Variants in DOCK2 observed in about 807,000 individuals in gnomAD.
DOCK2 encodes the protein dedicator of cytokinesis 2, also known as dedicator of cytokinesis protein 2.
A neutral mutation model predicts 248.9 loss-of-function variants in DOCK2; 87 were observed. That is an observed-to-expected ratio of 0.35 (90% CI 0.29 to 0.42). The LOEUF is 0.42. Ranked by LOEUF, DOCK2 falls within the 10% of genes least tolerant of loss-of-function variation. The pLI is 1.00. For missense variants in DOCK2, 1,747 were observed against 2,300.2 expected (o/e 0.76, Z 4.92); for synonymous variants, 805 against 821.6 (o/e 0.98, Z 0.35).
intron 29 of DOCK2, among the ~76,000 whole-genome samples, chr5:169,991,002 C>G (rs929833615): frequency 1.3e-4 from 20 of 152,228 alleles, no homozygotes; most frequent in African/African-American, 4.8e-4. Flanking sequence ...GCACTGGGCC[C>G]CTGCTTCATG....
At chr5:170,065,840 C>G (rs1021604498) in intron 44 of DOCK2, among the ~76,000 whole-genome samples, 1 of 152,032 alleles carries the variant, frequency 6.6e-6, no homozygotes, top group Non-Finnish European at 1.5e-5. Flanking sequence ...GGTGGGGATA[C>G]AGAGCCAAAC....
chr5:169,678,937 G>A (rs924136459), intron 6 of DOCK2, among the ~76,000 whole-genome samples: 14 of 152,278 alleles, frequency 9.2e-5, no homozygotes, highest in Admixed American at 4.6e-4. Flanking sequence ...AGAGAAACTC[G>A]GAGGGAGAGA....
At chr5:170,069,064 C>T in intron 45 of DOCK2, 73 bp from the exon 46 acceptor site, 1 of 1,375,986 alleles carries the variant, frequency 7.3e-7, no homozygotes, top group African/African-American at 1.4e-5. Context: ...TGAATCTTCT[C>T]CCAGTGCCAA....
At chr5:170,079,187 A>G (rs1201291920) in intron 49 of DOCK2, 41 bp downstream of exon 49, 2 of 1,595,330 alleles carry the variant, frequency 1.3e-6, no homozygotes, top group Admixed American at 1.7e-5. Flanking sequence ...CGCTGTTAGC[A>G]CATTTCCACT....
intron 25 of DOCK2, among the ~76,000 whole-genome samples, chr5:169,780,295 A>ATGTGTG (rs3138738): frequency 0.011 from 1,580 of 137,758 alleles, 21 homozygotes; most frequent in African/African-American, 0.034. Context: ...AACCCAATAA[A>ATGTGTG]TGTGTGTGTG....
intron 44 of DOCK2, among the ~76,000 whole-genome samples, chr5:170,064,654 C>T (rs57580045): frequency 0.25 from 38,013 of 151,510 alleles, 5,320 homozygotes; most frequent in African/African-American, 0.37. Context: ...TATTGAGGTA[C>T]CAAAATAAGA....
chr5:170,066,287 TAAAAA>T (rs1008907613), intron 44 of DOCK2, among the ~76,000 whole-genome samples: 1 of 149,102 alleles, frequency 6.7e-6, no homozygotes, highest in African/African-American at 2.5e-5. Flanking sequence ...TGAAAAACTG[TAAAAA>T]AAAACAAAAC....
At chr5:169,729,427 G>A (rs1762649959) in intron 22 of DOCK2, among the ~76,000 whole-genome samples, 1 of 152,136 alleles carries the variant, frequency 6.6e-6, no homozygotes, top group Non-Finnish European at 1.5e-5. Context: ...TCATCATGTG[G>A]CACATATGGT....
intron 27 of DOCK2, among the ~76,000 whole-genome samples, chr5:169,972,096 A>T (rs1358076309): frequency 6.6e-6 from 1 of 152,266 alleles, no homozygotes; most frequent in Admixed American, 6.5e-5. Flanking sequence ...TAATCAAATT[A>T]TAAAATAAAA....
intron 27 of DOCK2, among the ~76,000 whole-genome samples, chr5:169,841,733 TCCATCC>T (rs1410531152): frequency 2.0e-5 from 3 of 152,238 alleles, no homozygotes; most frequent in Admixed American, 1.3e-4. Context: ...CCAGTACCTC[TCCATCC>T]ACTAAAAGTC....
chr5:170,009,116 C>T (rs749709061), intron 32 of DOCK2, among the ~76,000 whole-genome samples: 29 of 151,894 alleles, frequency 1.9e-4, no homozygotes, highest in Non-Finnish European at 2.8e-4. Context: ...TAGCGTGGTC[C>T]ACAAAACGTA....
At chr5:170,050,446 G>T (rs577556516) in intron 41 of DOCK2, 49 bp downstream of exon 41, 91 of 1,568,962 alleles carry the variant, frequency 5.8e-5, no homozygotes, top group Middle Eastern at 5.7e-4. Context: ...GAGCAGCCCT[G>T]CCAGGGCTGC....
intron 30 of DOCK2, among the ~76,000 whole-genome samples, chr5:170,004,199 T>G (rs1754937308): frequency 6.6e-6 from 1 of 152,128 alleles, no homozygotes; most frequent in Non-Finnish European, 1.5e-5. Flanking sequence ...GAATAGATAA[T>G]CGAAATGAGT....
chr5:169,707,172 A>G (rs1266364194), intron 14 of DOCK2, among the ~76,000 whole-genome samples: 1 of 152,192 alleles, frequency 6.6e-6, no homozygotes, highest in Non-Finnish European at 1.5e-5. Flanking sequence ...TTTGGGGGCC[A>G]AACGGCTGGA....
chr5:170,062,191 A>G lies in DOCK2; in HGVS notation c.4467+4525A>G, dbSNP rs139458689. Among the ~76,000 whole-genome samples the G allele has an allele frequency of 3.9e-5, 6 of 152,164 alleles. No individual in the cohort carries two copies. The East Asian group carries it at 1.2e-3, about 29-fold the overall frequency. On this transcript the variant is annotated intron_variant, in intron 44 of 51. Transcript: ENST00000520908. ...TCAATTCCCAGGGCCTTCTCACTGT[A>G]GAGATCAGTCATCTTCAGAAACATC...
intron 41 of DOCK2, among the ~76,000 whole-genome samples, chr5:170,054,416 A>G (rs867198228): frequency 2.2e-4 from 33 of 152,242 alleles, no homozygotes; most frequent in African/African-American, 6.8e-4. Context: ...TCAGTTTGCC[A>G]TATTGTCAGC....
At chr5:169,896,188 G>A (rs1476667759) in intron 27 of DOCK2, among the ~76,000 whole-genome samples, 1 of 152,022 alleles carries the variant, frequency 6.6e-6, no homozygotes, top group African/African-American at 2.4e-5. Flanking sequence ...CGGGGGGCGG[G>A]GAGGCAGTCA....
At chr5:169,725,749 A>T (rs983254127) in intron 22 of DOCK2, among the ~76,000 whole-genome samples, 8 of 151,990 alleles carry the variant, frequency 5.3e-5, no homozygotes, top group African/African-American at 1.9e-4. Flanking sequence ...GAGTGAGAAC[A>T]TGCGGTGTTT....
At chr5:169,963,439 A>C (rs746160669) in intron 27 of DOCK2, among the ~76,000 whole-genome samples, 76 of 152,110 alleles carry the variant, frequency 5.0e-4, no homozygotes, top group Non-Finnish European at 8.1e-4. Flanking sequence ...TATGCTTAGC[A>C]GTGCATTCAT....
Sources: allele counts gnomAD v4.1 joint callset (sites outside exome capture counted in the v4.1 genomes callset), GRCh38; gene constraint gnomAD v4.1.1; transcripts MANE v1.5; gene names NCBI Gene and HGNC (gene_info 2026-07-23, HGNC 2026-07-21).